Variants in R3HCC1L observed in about 807,000 individuals in gnomAD.
R3HCC1L encodes R3H domain and coiled-coil containing 1 like.
R3HCC1L carries 51 observed loss-of-function variants against 59.9 expected under a neutral mutation model. That is an observed-to-expected ratio of 0.85 (90% CI 0.68 to 1.07). The LOEUF (loss-of-function observed/expected upper bound fraction) is 1.07. Among genes scored for constraint, R3HCC1L ranks in the 50% least tolerant of loss-of-function variants. The probability of loss-of-function intolerance (pLI) is 0.00; values close to 1 mark genes in which losing one functional copy is unlikely to be tolerated. For synonymous variants in R3HCC1L, 322 were observed against 315.2 expected (o/e 1.02, Z -0.23); for missense variants, 965 against 933.0 (o/e 1.03, Z -0.45).
chr10:98,141,797 A>G (rs1845162988), intron 1 of R3HCC1L, among the ~76,000 whole-genome samples: 1 of 152,206 alleles, frequency 6.6e-6, no homozygotes, highest in African/African-American at 2.4e-5. Context: ...AACCAGGTGG[A>G]AACTGCATTA....
chr10:98,192,402 C>CCCTT (rs1226468171), intron 4 of R3HCC1L, among the ~76,000 whole-genome samples: 5 of 152,060 alleles, frequency 3.3e-5, no homozygotes, highest in African/African-American at 7.2e-5. Flanking sequence ...AATTGACAAA[C>CCCTT]CCTTAGCTAG....
intron 5 of R3HCC1L, among the ~76,000 whole-genome samples, chr10:98,222,414 A>G (rs984203443): frequency 2.6e-5 from 4 of 151,868 alleles, no homozygotes; most frequent in Admixed American, 6.6e-5. Context: ...TTCCAACACT[A>G]TGTTGAATAG....
rs370059454 is a variant in R3HCC1L at position 98,173,938 on chromosome 10, G to A, written c.-15+10541G>A. Among the ~76,000 whole-genome samples, 37 of 152,246 alleles carry A rather than the reference G, an allele frequency of 2.4e-4. No individual in the cohort carries two copies. In the East Asian group the frequency reaches 2.9e-3, roughly 12 times the overall value. ...GGGCAGAGAAGTGTCTGTGAGCTGC[G>A]TGTATGTTGCTTTTTAAGAAATCTG... On this transcript the variant is annotated intron_variant, in intron 4 of 9. Coordinates refer to ENST00000298999, the MANE Select transcript of R3HCC1L (RefSeq NM_001351015.2).
rs975606376 is a variant in R3HCC1L at position 98,231,385 on chromosome 10, G to T, written c.1786-127G>T. Reference sequence around the variant, plus strand: ...TATCTGTGAGTAGAATTAATACAGAGACTATGCCAAAGGTTGAGGAATGGG... The same window carrying T: ...TATCTGTGAGTAGAATTAATACAGATACTATGCCAAAGGTTGAGGAATGGG... On this transcript the variant is annotated intron_variant, in intron 5 of 9. Coordinates refer to ENST00000298999, the MANE Select transcript of R3HCC1L (RefSeq NM_001351015.2). 10 of 844,784 alleles carry T rather than the reference G, an allele frequency of 1.2e-5. No individual in the cohort carries two copies. In the African/African-American group the frequency reaches 1.7e-4, roughly 15 times the overall value. 52.3% of individuals were successfully genotyped at this position (844,784 alleles called of 1,614,324 possible). A position where few individuals can be genotyped will look rare whatever the true frequency, so the allele number is the denominator to read the frequency against.
At chr10:98,171,789 G>A (rs1408943) in intron 4 of R3HCC1L, among the ~76,000 whole-genome samples, 145,654 of 152,212 alleles carry the variant, frequency 0.96, 69,997 homozygotes, top group East Asian at 1. Flanking sequence ...CACAACATTC[G>A]ATTATACAAG....
Position 98,163,320 on chromosome 10 carries a change from TAC to T in R3HCC1L, c.-88_-87del, listed in dbSNP as rs1407690513. 6.9e-6 allele frequency: 7 copies of T among 1,012,578 alleles called. No individual in the cohort carries two copies. The African/African-American group carries it at 9.9e-5, about 14-fold the overall frequency. 62.7% of individuals were successfully genotyped at this position (1,012,578 alleles called of 1,614,324 possible). A position where few individuals can be genotyped will look rare whatever the true frequency, so the allele number is the denominator to read the frequency against. On this transcript the variant is annotated 5_prime_UTR_variant, in exon 4 of 10. Transcript: ENST00000298999. ...GAGGCTGCTGTCAGAAAGGAACTTT[TAC>T]ACAGTTTGCCTTCAGAGACAGTCTA...
intron 1 of R3HCC1L, among the ~76,000 whole-genome samples, chr10:98,153,871 C>G (rs1170332385): frequency 1.3e-5 from 2 of 151,168 alleles, no homozygotes; most frequent in Admixed American, 6.6e-5. Flanking sequence ...CGTGGTGTCA[C>G]GTTTCCCCAC....
intron 4 of R3HCC1L, chr10:98,174,313 C>T (rs557078828): frequency 2.6e-4 from 57 of 216,626 alleles, no homozygotes; most frequent in Non-Finnish European, 3.1e-4. Context: ...TTCTAGTGCC[C>T]GTTGCCTCCG....
Position 98,209,514 on chromosome 10 carries a change from C to A in R3HCC1L, c.1400C>A (p.Ser467Ter). The change falls in exon 5 of 10, where the codon TCA becomes TAA. Residue 467 changes from serine to a stop codon, truncating the protein, a stop_gained. Coordinates refer to ENST00000298999, the MANE Select transcript of R3HCC1L (RefSeq NM_001351015.2). LOFTEE classifies it high-confidence loss of function. ...ESTGKLIESL[S>*]DCASSLPIKK... Reference sequence around the variant, plus strand: ...ACAGGAAAGTTGATAGAGAGCTTGTCAGATTGTGCTTCCTCCTTACCTATA... The same window carrying A: ...ACAGGAAAGTTGATAGAGAGCTTGTAAGATTGTGCTTCCTCCTTACCTATA... 1.2e-6 allele frequency: 2 copies of A among 1,613,792 alleles called. No individual in the cohort carries two copies. Among genetic ancestry groups the A allele is most frequent in the South Asian group, 2.2e-5 (2 of 91,052 alleles).
intron 1 of R3HCC1L, among the ~76,000 whole-genome samples, chr10:98,153,410 C>T (rs1171201529): frequency 6.6e-6 from 1 of 152,070 alleles, no homozygotes; most frequent in East Asian, 1.9e-4. Flanking sequence ...TGTTTGAAGG[C>T]AGCAGACTCG....
At chr10:98,166,915 T>A (rs1264748032) in intron 4 of R3HCC1L, among the ~76,000 whole-genome samples, 3 of 152,152 alleles carry the variant, frequency 2.0e-5, no homozygotes, top group Non-Finnish European at 4.4e-5. Flanking sequence ...TCTGCCCACC[T>A]CAGCCTCCCA....
At chr10:98,169,883 C>G (rs373065612) in intron 4 of R3HCC1L, among the ~76,000 whole-genome samples, 1 of 149,086 alleles carries the variant, frequency 6.7e-6, no homozygotes, top group Non-Finnish European at 1.5e-5. Flanking sequence ...CCTAACACAA[C>G]CTTTTTTTTT....
intron 9 of R3HCC1L, 51 bp from the exon 10 acceptor site, chr10:98,244,040 C>T (rs1428521438): frequency 6.5e-7 from 1 of 1,543,064 alleles, no homozygotes; most frequent in Non-Finnish European, 9.0e-7. Flanking sequence ...AAGGGAAAGT[C>T]ATTGGTTATA....
intron 4 of R3HCC1L, among the ~76,000 whole-genome samples, chr10:98,205,929 C>T (rs1489485623): frequency 6.6e-6 from 1 of 152,102 alleles, no homozygotes; most frequent in Non-Finnish European, 1.5e-5. Flanking sequence ...CTGGTAATAA[C>T]ATTGGAGAAA....
At chr10:98,178,383 G>A (rs1849265402) in intron 4 of R3HCC1L, among the ~76,000 whole-genome samples, 1 of 152,042 alleles carries the variant, frequency 6.6e-6, no homozygotes, top group South Asian at 2.1e-4. Flanking sequence ...GTAGATATTG[G>A]TATTATTTCT....
chr10:98,160,256 CT>C (rs1463473958), intron 2 of R3HCC1L, among the ~76,000 whole-genome samples: 3 of 152,186 alleles, frequency 2.0e-5, no homozygotes, highest in African/African-American at 7.2e-5. Context: ...GGCAGGTAGT[CT>C]AAATCTGTGC....
At chr10:98,165,029 G>A (rs142012407) in intron 4 of R3HCC1L, among the ~76,000 whole-genome samples, 4,133 of 152,320 alleles carry the variant, frequency 0.027, 75 homozygotes, top group Middle Eastern at 0.048. Context: ...GGAGGCCCAG[G>A]TGGGCAGATC....
intron 2 of R3HCC1L, among the ~76,000 whole-genome samples, chr10:98,158,658 TATTA>T (rs1473469605): frequency 1.3e-5 from 2 of 152,230 alleles, no homozygotes; most frequent in African/African-American, 2.4e-5. Flanking sequence ...GTTGATTTAA[TATTA>T]ATTAAGTAAC....
At chr10:98,155,145 G>C (rs1448774432) in intron 1 of R3HCC1L, among the ~76,000 whole-genome samples, 1 of 152,112 alleles carries the variant, frequency 6.6e-6, no homozygotes, top group East Asian at 1.9e-4. Flanking sequence ...TTTGGCCAAT[G>C]TTTTTAATCT....
Sources: allele counts gnomAD v4.1 joint callset (sites outside exome capture counted in the v4.1 genomes callset), GRCh38; gene constraint gnomAD v4.1.1; transcripts MANE v1.5; gene names NCBI Gene and HGNC (gene_info 2026-07-23, HGNC 2026-07-21).